The following NBAS variants were observed in gnomAD, a reference collection of about 807,000 sequenced individuals.
NBAS encodes the protein NBAS subunit of NRZ tethering complex.
In NBAS, 219 loss-of-function variants were observed where a neutral mutation model predicts 302.5. The observed-to-expected ratio is 0.72, with a 90% CI of 0.65 to 0.81. The LOEUF is 0.81. NBAS is among the 30% of genes least tolerant of loss of function. The pLI is 0.00. For missense variants in NBAS, 2,932 were observed against 2,841.6 expected (o/e 1.03, Z -0.72); for synonymous variants, 1,118 against 1,021.6 (o/e 1.09, Z -1.80).
the NBAS span, among the ~76,000 whole-genome samples, chr2:15,078,041 G>A: frequency 2.6e-5 from 4 of 152,130 alleles, no homozygotes; most frequent in South Asian, 2.1e-4. Flanking sequence ...TTACACAGGC[G>A]TTTTCAAAGT....
chr2:14,944,674 C>T, the NBAS span, among the ~76,000 whole-genome samples: 1 of 151,862 alleles, frequency 6.6e-6, no homozygotes, highest in Non-Finnish European at 1.5e-5. Flanking sequence ...CACCAGCAAT[C>T]TTTCAAAACT....
the NBAS span, among the ~76,000 whole-genome samples, chr2:15,013,631 A>C: frequency 2.0e-5 from 3 of 152,190 alleles, no homozygotes; most frequent in East Asian, 5.8e-4. Flanking sequence ...AAAAAATAAA[A>C]AAATTAGCTG....
At chr2:15,100,223 T>C in the NBAS span, among the ~76,000 whole-genome samples, 21 of 152,116 alleles carry the variant, frequency 1.4e-4, no homozygotes, top group African/African-American at 4.8e-4. Flanking sequence ...ATGTGAGCCA[T>C]GAAAGAAAAG....
At chr2:15,251,363 G>T (rs1668357559) in intron 44 of NBAS, among the ~76,000 whole-genome samples, 2 of 152,150 alleles carry the variant, frequency 1.3e-5, no homozygotes, top group Admixed American at 1.3e-4. Context: ...TGTAGATGAT[G>T]GGTTGATGGG....
intron 9 of NBAS, among the ~76,000 whole-genome samples, chr2:15,516,193 T>C (rs537824541): frequency 2.0e-5 from 3 of 152,314 alleles, no homozygotes; most frequent in South Asian, 4.1e-4. Context: ...AATTTACAAA[T>C]TGAATGCAAT....
chr2:14,958,759 T>A, the NBAS span, among the ~76,000 whole-genome samples: 7 of 152,250 alleles, frequency 4.6e-5, no homozygotes, highest in East Asian at 1.3e-3. Context: ...ATCAGAGCAA[T>A]ACACAGGTTG....
chr2:15,309,875 G>C (rs1023022255), intron 38 of NBAS, among the ~76,000 whole-genome samples: 2 of 152,118 alleles, frequency 1.3e-5, no homozygotes, highest in African/African-American at 4.8e-5. Context: ...ATAAGAGTAT[G>C]CATTGTCAAT....
At chr2:15,047,090 C>T in the NBAS span, among the ~76,000 whole-genome samples, 5 of 152,192 alleles carry the variant, frequency 3.3e-5, no homozygotes, top group African/African-American at 9.7e-5. Context: ...TGGATTGAAG[C>T]AAGGAGCTTG....
chr2:15,128,533 CATAA>C, the NBAS span, among the ~76,000 whole-genome samples: 1 of 152,136 alleles, frequency 6.6e-6, no homozygotes, highest in Non-Finnish European at 1.5e-5. Context: ...GAGACACACA[CATAA>C]ATAAATATCC....
At chr2:15,353,262 T>C (rs1673454539) in intron 34 of NBAS, among the ~76,000 whole-genome samples, 1 of 152,198 alleles carries the variant, frequency 6.6e-6, no homozygotes. Flanking sequence ...TTAGCATATG[T>C]TTAATTCACA....
chr2:15,089,120 A>T, the NBAS span, among the ~76,000 whole-genome samples: 10,085 of 152,066 alleles, frequency 0.066, 804 homozygotes, highest in African/African-American at 0.18. Flanking sequence ...ACAAAATACA[A>T]ATGGTTTTGT....
the NBAS span, among the ~76,000 whole-genome samples, chr2:14,990,541 G>C: frequency 6.6e-6 from 1 of 152,176 alleles, no homozygotes; most frequent in Non-Finnish European, 1.5e-5. Flanking sequence ...CTTACAGTAA[G>C]TATTATGCTT....
intron 51 of NBAS, 40 bp downstream of exon 51, chr2:15,178,948 A>G: frequency 1.6e-6 from 1 of 612,914 alleles, no homozygotes; most frequent in South Asian, 4.0e-5. Context: ...TGAAACATTA[A>G]AAAAAAAAAA....
chr2:15,170,516 T>G (rs1241015195), intron 51 of NBAS, among the ~76,000 whole-genome samples: 1 of 152,172 alleles, frequency 6.6e-6, no homozygotes, highest in South Asian at 2.1e-4. Context: ...TGCATTGAGC[T>G]TGGGCAGTGA....
At chr2:15,275,376 A>T in intron 44 of NBAS, 108 bp downstream of exon 44, 1 of 1,281,336 alleles carries the variant, frequency 7.8e-7, no homozygotes, top group Non-Finnish European at 1.1e-6. Flanking sequence ...AAAAGCCAAC[A>T]TGTAATTATT....
At chr2:15,291,689 C>G (rs1670310024) in intron 41 of NBAS, among the ~76,000 whole-genome samples, 1 of 152,134 alleles carries the variant, frequency 6.6e-6, no homozygotes, top group African/African-American at 2.4e-5. Flanking sequence ...TTCTGGTTCT[C>G]TAGAAGACCA....
chr2:14,963,329 A>T, the NBAS span, among the ~76,000 whole-genome samples: 1 of 152,148 alleles, frequency 6.6e-6, no homozygotes, highest in African/African-American at 2.4e-5. Context: ...ACCACACTCA[A>T]TCGTTTAAAT....
At chr2:14,992,686 T>C in the NBAS span, among the ~76,000 whole-genome samples, 1 of 152,228 alleles carries the variant, frequency 6.6e-6, no homozygotes, top group African/African-American at 2.4e-5. Context: ...CCAGACATTC[T>C]GCATGTTCCA....
intron 11 of NBAS, among the ~76,000 whole-genome samples, chr2:15,493,616 G>A (rs1021578194): frequency 3.3e-5 from 5 of 150,934 alleles, no homozygotes; most frequent in Admixed American, 6.6e-5. Flanking sequence ...GGCATGAACC[G>A]AGATCACGCC....
Sources: allele counts gnomAD v4.1 joint callset (sites outside exome capture counted in the v4.1 genomes callset), GRCh38; gene constraint gnomAD v4.1.1; transcripts MANE v1.5; gene names NCBI Gene and HGNC (gene_info 2026-07-23, HGNC 2026-07-21).